Variants in DGKB observed in about 807,000 individuals in gnomAD.
The protein encoded by DGKB is diacylglycerol kinase beta.
In DGKB, 67 loss-of-function variants were observed where a neutral mutation model predicts 114.3. The observed-to-expected ratio is 0.59, with a 90% CI of 0.48 to 0.72. The LOEUF is 0.72. Among genes scored for constraint, DGKB ranks in the 30% least tolerant of loss-of-function variants. The pLI is 0.00. For synonymous variants in DGKB, 398 were observed against 323.1 expected (o/e 1.23, Z -2.49); for missense variants, 907 against 975.2 (o/e 0.93, Z 0.93).
intron 5 of DGKB, among the ~76,000 whole-genome samples, chr7:14,719,540 A>C (rs1828798314): frequency 1.3e-5 from 2 of 152,036 alleles, no homozygotes; most frequent in Admixed American, 1.3e-4. Flanking sequence ...ATTTGGGAGA[A>C]ATAACTAATG....
At chr7:14,771,863 T>C (rs12112997) in intron 2 of DGKB, among the ~76,000 whole-genome samples, 3,232 of 152,164 alleles carry the variant, frequency 0.021, 113 homozygotes, top group African/African-American at 0.074. Context: ...TTAGGTCTGA[T>C]AAGAAACATT....
In DGKB at chr7:14,461,173, A is replaced by G. The variant is rs148304933; in HGVS notation, c.1835+16988T>C. On this transcript the variant is annotated intron_variant, in intron 21 of 25. Transcript: ENST00000402815. ...GGAAAGGTCTAAAATCAACACCCTA[A>G]CATCACAATTAAAAGCACTGGAGCA... is the stretch of plus-strand genomic sequence containing the variant. 2.0e-4 allele frequency among the ~76,000 whole-genome samples: 31 copies of G among 152,312 alleles called. No homozygotes were observed. In the East Asian group the frequency reaches 5.6e-3, roughly 28 times the overall value.
At chr7:14,754,247 G>A (rs568124378) in intron 3 of DGKB, among the ~76,000 whole-genome samples, 2 of 152,132 alleles carry the variant, frequency 1.3e-5, no homozygotes, top group South Asian at 4.2e-4. Context: ...TGATTCTGAG[G>A]TACACTAAAA....
At chr7:14,973,527 G>GTTTTTTTTTTTT (rs11300261) in intron 1 of DGKB, among the ~76,000 whole-genome samples, 6 of 137,298 alleles carry the variant, frequency 4.4e-5, no homozygotes, top group Non-Finnish European at 4.8e-5. Flanking sequence ...TTGTTTTTTT[G>GTTTTTTTTTTTT]TTTTTTTTTT....
intron 21 of DGKB, among the ~76,000 whole-genome samples, chr7:14,464,160 A>G (rs1391195635): frequency 6.6e-6 from 1 of 151,968 alleles, no homozygotes; most frequent in Non-Finnish European, 1.5e-5. Flanking sequence ...AATAATTTTT[A>G]TCATTAGGTG....
intron 2 of DGKB, among the ~76,000 whole-genome samples, chr7:14,826,064 C>T (rs1289573584): frequency 2.0e-5 from 3 of 152,120 alleles, no homozygotes; most frequent in African/African-American, 7.2e-5. Context: ...ATTTTGCCTA[C>T]ATCGCTCTGG....
At chr7:14,174,698 C>G (rs149159781) in intron 25 of DGKB, among the ~76,000 whole-genome samples, 1,667 of 152,270 alleles carry the variant, frequency 0.011, 30 homozygotes, top group African/African-American at 0.038. Flanking sequence ...ACTATTTCCA[C>G]CATCACGGTA....
chr7:14,535,430 C>A (rs1250157133), intron 20 of DGKB, among the ~76,000 whole-genome samples: 1 of 149,264 alleles, frequency 6.7e-6, no homozygotes, highest in Non-Finnish European at 1.5e-5. Context: ...GAAGAAGTAT[C>A]TCAAATCAAC....
intron 21 of DGKB, among the ~76,000 whole-genome samples, chr7:14,357,034 A>G (rs1216985269): frequency 6.6e-6 from 1 of 152,170 alleles, no homozygotes; most frequent in African/African-American, 2.4e-5. Context: ...TCAATTTTGG[A>G]ATAAGTGCAA....
chr7:14,800,500 G>C (rs1842012980), intron 2 of DGKB, among the ~76,000 whole-genome samples: 1 of 152,224 alleles, frequency 6.6e-6, no homozygotes, highest in East Asian at 1.9e-4. Context: ...CGTGCTGGAT[G>C]CTTTCTGCCC....
At chr7:14,949,036 T>C (rs146030413) in intron 1 of DGKB, among the ~76,000 whole-genome samples, 1,935 of 151,814 alleles carry the variant, frequency 0.013, 28 homozygotes, top group African/African-American at 0.045. Context: ...AAAACACAAA[T>C]TGAGAAAAGA....
intron 13 of DGKB, among the ~76,000 whole-genome samples, chr7:14,662,056 G>A (rs562117022): frequency 1.3e-5 from 2 of 152,074 alleles, no homozygotes; most frequent in African/African-American, 2.4e-5. Context: ...GGCCCGTTGT[G>A]GGGTGGGGTT....
At chr7:14,238,404 G>A (rs1793132271) in intron 23 of DGKB, among the ~76,000 whole-genome samples, 1 of 151,934 alleles carries the variant, frequency 6.6e-6, no homozygotes, top group East Asian at 1.9e-4. Context: ...CAGCCATGTG[G>A]AATGGTGAGT....
chr7:14,935,899 T>C (rs1785250259), intron 1 of DGKB, among the ~76,000 whole-genome samples: 1 of 152,154 alleles, frequency 6.6e-6, no homozygotes, highest in South Asian at 2.1e-4. Flanking sequence ...GGGATTTTCA[T>C]TTCCAAAAAC....
chr7:14,660,733 C>G (rs1331635865), intron 13 of DGKB, among the ~76,000 whole-genome samples: 2 of 151,834 alleles, frequency 1.3e-5, no homozygotes, highest in African/African-American at 4.8e-5. Flanking sequence ...CAAAAAAGAG[C>G]CCGCATCGCC....
At chr7:14,730,900 G>A (rs538636142) in intron 5 of DGKB, among the ~76,000 whole-genome samples, 7 of 152,164 alleles carry the variant, frequency 4.6e-5, no homozygotes, top group Non-Finnish European at 1.0e-4. Context: ...GACAGTGAAG[G>A]CCTGAAATTT....
intron 23 of DGKB, among the ~76,000 whole-genome samples, chr7:14,179,549 A>C (rs1410419381): frequency 6.6e-6 from 1 of 152,210 alleles, no homozygotes; most frequent in Non-Finnish European, 1.5e-5. Flanking sequence ...CACTTTGTAC[A>C]GAAAGTGCTC....
At chr7:14,149,685 T>C (rs1781894365) in intron 25 of DGKB, among the ~76,000 whole-genome samples, 1 of 152,168 alleles carries the variant, frequency 6.6e-6, no homozygotes, top group South Asian at 2.1e-4. Flanking sequence ...GCAAGCCTTA[T>C]TTATCTTGCT....
chr7:14,596,231 AT>A (rs1460923215), intron 17 of DGKB, among the ~76,000 whole-genome samples: 1 of 152,172 alleles, frequency 6.6e-6, no homozygotes, highest in Admixed American at 6.6e-5. Context: ...AAAATTTAAA[AT>A]TGTTTATACT....
Sources: allele counts gnomAD v4.1 joint callset (sites outside exome capture counted in the v4.1 genomes callset), GRCh38; gene constraint gnomAD v4.1.1; transcripts MANE v1.5; gene names NCBI Gene and HGNC (gene_info 2026-07-23, HGNC 2026-07-21).